COL4A1: variants seen among roughly 807,000 people sequenced by gnomAD.
The protein encoded by COL4A1 is collagen type IV alpha 1 chain.
A neutral mutation model predicts 216.6 loss-of-function variants in COL4A1; 40 were observed. That is an observed-to-expected ratio of 0.18 (90% CI 0.14 to 0.24). COL4A1 has a LOEUF of 0.24. COL4A1 is among the 10% of genes least tolerant of loss of function. The pLI, the probability that COL4A1 is intolerant of heterozygous loss-of-function variation, is 1.00. For synonymous variants in COL4A1, 839 were observed against 810.7 expected (o/e 1.03, Z -0.59); for missense variants, 1,628 against 2,196.8 (o/e 0.74, Z 5.18).
At chr13:110,282,805 C>G (rs927550491) in intron 1 of COL4A1, among the ~76,000 whole-genome samples, 1 of 152,190 alleles carries the variant, frequency 6.6e-6, no homozygotes, top group South Asian at 2.1e-4. Flanking sequence ...TAAGTATTCA[C>G]AAGCTTTCTG....
intron 1 of COL4A1, among the ~76,000 whole-genome samples, chr13:110,273,417 C>T (rs1172697882): frequency 6.6e-6 from 1 of 152,140 alleles, no homozygotes; most frequent in Non-Finnish European, 1.5e-5. Flanking sequence ...AGCTTTTTTA[C>T]CTAAATCACC....
At chr13:110,300,944 G>T (rs529950949) in intron 1 of COL4A1, among the ~76,000 whole-genome samples, 32 of 152,326 alleles carry the variant, frequency 2.1e-4, no homozygotes, top group East Asian at 1.2e-3. Flanking sequence ...AAGATCAAGT[G>T]AGCTTTAAAA....
intron 21 of COL4A1, among the ~76,000 whole-genome samples, chr13:110,196,376 T>TA (rs1878890703): frequency 6.6e-6 from 1 of 152,176 alleles, no homozygotes; most frequent in Non-Finnish European, 1.5e-5. Context: ...GTGGACTCCA[T>TA]GTTTATGCTT....
chr13:110,173,139 G>A (rs1304330817), intron 40 of COL4A1, among the ~76,000 whole-genome samples: 2 of 152,162 alleles, frequency 1.3e-5, no homozygotes, highest in African/African-American at 2.4e-5. Flanking sequence ...AGAGATTTGG[G>A]GCAGCAGATG....
intron 50 of COL4A1, among the ~76,000 whole-genome samples, chr13:110,153,807 C>T (rs1002698946): frequency 6.6e-6 from 1 of 152,066 alleles, no homozygotes; most frequent in Non-Finnish European, 1.5e-5. Context: ...TGCTTTCCTG[C>T]CAACTTTTTC....
At chr13:110,286,464 T>C (rs1031998039) in intron 1 of COL4A1, among the ~76,000 whole-genome samples, 1 of 152,124 alleles carries the variant, frequency 6.6e-6, no homozygotes, top group African/African-American at 2.4e-5. Context: ...GCATTCAGAT[T>C]GTGTGGGGGA....
chr13:110,151,861 A>G (rs1356025709), intron 51 of COL4A1, among the ~76,000 whole-genome samples: 2 of 152,226 alleles, frequency 1.3e-5, no homozygotes, highest in South Asian at 2.1e-4. Flanking sequence ...CTTCCCTCTC[A>G]GTTTCAGCTG....
chr13:110,176,139 C>G (rs1403638052), intron 36 of COL4A1, among the ~76,000 whole-genome samples: 1 of 152,198 alleles, frequency 6.6e-6, no homozygotes, highest in Non-Finnish European at 1.5e-5. Flanking sequence ...TTAGGGAGAT[C>G]CTAGACAAGG....
intron 2 of COL4A1, among the ~76,000 whole-genome samples, chr13:110,237,445 G>A (rs564106478): frequency 6.6e-6 from 1 of 152,270 alleles, no homozygotes; most frequent in South Asian, 2.1e-4. Flanking sequence ...CACGACTGCT[G>A]GGGTGGGGGT....
chr13:110,275,045 G>T (rs1409475203), intron 1 of COL4A1, among the ~76,000 whole-genome samples: 1 of 152,188 alleles, frequency 6.6e-6, no homozygotes, highest in South Asian at 2.1e-4. Context: ...CATGATCCAT[G>T]AAAGAAAGAA....
chr13:110,169,497 AACACACACACACAC>A (rs3832901), intron 43 of COL4A1, 118 bp downstream of exon 43: 2 of 1,183,610 alleles, frequency 1.7e-6, no homozygotes, highest in Non-Finnish European at 1.2e-6. Context: ...GTGGGAGTGT[AACACACACACACAC>A]ACACACACAC....
chr13:110,270,281 A>G (rs888072959), intron 1 of COL4A1, among the ~76,000 whole-genome samples: 25 of 152,244 alleles, frequency 1.6e-4, no homozygotes, highest in African/African-American at 5.5e-4. Context: ...TTTTTAGTGC[A>G]TAACAGTGCA....
Position 110,207,304 on chromosome 13 carries a change from T to C in COL4A1, c.780+99A>G. On this transcript the variant is annotated intron_variant, in intron 13 of 51. Coordinates refer to ENST00000375820, the MANE Select transcript of COL4A1 (RefSeq NM_001845.6). The surrounding 1 kb of genome is among the most constrained non-coding windows in gnomAD (Gnocchi z 4.4). ...ATCTGTTTTCCAGACCAGGATTGAA[T>C]GTAGCTGGAAAAACTGAGTTTTGAC... The C allele has an allele frequency of 9.7e-7, 1 of 1,027,550 alleles. No individual in the cohort carries two copies. The allele number at this position is 1,027,550 out of a possible 1,614,324, so 63.7% of individuals were successfully genotyped here. A position where few individuals can be genotyped will look rare whatever the true frequency, so the allele number is the denominator to read the frequency against.
In COL4A1 at chr13:110,174,435, G is replaced by C. The variant is rs1240983365; in HGVS notation, c.3406+11C>G. ...ATGTGCCCGGGCTGTGTCCCAAAGA[G>C]GGCCCTCTACCTGCTTCTCCTTTGA... On this transcript the variant is annotated intron_variant, in intron 39 of 51. Coordinates refer to ENST00000375820, the MANE Select transcript of COL4A1 (RefSeq NM_001845.6). 1 of 1,613,356 alleles carries C rather than the reference G, an allele frequency of 6.2e-7. No homozygotes were observed. The highest frequency in any genetic ancestry group is 1.7e-5 in the Admixed American group (1 of 60,004).
Position 110,211,987 on chromosome 13 carries a change from G to C in COL4A1, c.388-65C>G. On this transcript the variant is annotated intron_variant, in intron 6 of 51. Coordinates refer to ENST00000375820, the MANE Select transcript of COL4A1 (RefSeq NM_001845.6). The surrounding 1 kb of genome is among the most constrained non-coding windows in gnomAD (Gnocchi z 4.3). ...TGGCAGACACATCAGCCCTGACATC[G>C]CATGCATCACTCTGCCCTACCCTTC... 6.9e-7 allele frequency: 1 copy of C among 1,446,014 alleles called. No individual in the cohort carries two copies. The highest frequency in any genetic ancestry group is 1.4e-5 in the African/African-American group (1 of 71,728). 89.6% of individuals were successfully genotyped at this position (1,446,014 alleles called of 1,614,324 possible).
At chr13:110,180,746 G>A (rs370356933) in intron 29 of COL4A1, among the ~76,000 whole-genome samples, 9 of 152,216 alleles carry the variant, frequency 5.9e-5, no homozygotes, top group Admixed American at 1.3e-4. Context: ...CAATCTGATC[G>A]CCCTAGTGAC....
At chr13:110,198,376 G>T in intron 21 of COL4A1, 91 bp downstream of exon 21, 2 of 1,398,812 alleles carry the variant, frequency 1.4e-6, no homozygotes, top group Non-Finnish European at 2.0e-6. Flanking sequence ...CACTCTGGCT[G>T]TGGGGGACTA....
intron 1 of COL4A1, among the ~76,000 whole-genome samples, chr13:110,277,823 G>T (rs1056716002): frequency 1.3e-5 from 2 of 152,120 alleles, no homozygotes; most frequent in Non-Finnish European, 2.9e-5. Flanking sequence ...GTAAGTTAAA[G>T]GTCACTCACT....
At chr13:110,191,399 T>C in intron 24 of COL4A1, 1 of 351,788 alleles carries the variant, frequency 2.8e-6, no homozygotes, top group Non-Finnish European at 5.1e-6. Flanking sequence ...AACCAGTCCA[T>C]GCTCGCAAAG....
Sources: gnomAD v4.1 joint callset for allele counts (sites outside exome capture counted in the v4.1 genomes callset) on GRCh38, gnomAD v4.1.1 for gene constraint, Gnocchi (gnomAD v3.1) non-coding constraint, MANE v1.5 for transcripts, NCBI Gene and HGNC (gene_info 2026-07-23, HGNC 2026-07-21) for gene names.